CPAMD8: variants seen among roughly 807,000 people sequenced by gnomAD.
The protein encoded by CPAMD8 is C3 and PZP like alpha-2-macroglobulin domain containing 8.
Under a neutral mutation model 224.7 loss-of-function variants are expected in CPAMD8, and 146 were observed. The ratio of observed to expected loss-of-function variants is 0.65; its 90% confidence interval spans 0.57 to 0.75. The LOEUF is 0.75. CPAMD8 is among the 30% of genes least tolerant of loss of function. The pLI is 0.00. For missense variants in CPAMD8, 2,301 were observed against 2,537.5 expected, an observed-to-expected ratio of 0.91 and a Z score of 2.00; for synonymous variants, 966 against 1,044.6, an observed-to-expected ratio of 0.92 and a Z score of 1.45.
intron 41 of CPAMD8, chr19:16,895,797 T>C (rs1172540453): frequency 2.3e-6 from 1 of 433,948 alleles, no homozygotes; most frequent in South Asian, 1.6e-5. Flanking sequence ...AACTATATAA[T>C]GCAAGCATTC....
At chr19:16,944,492 C>CCTG (rs748116805) in intron 22 of CPAMD8, among the ~76,000 whole-genome samples, 3 of 152,170 alleles carry the variant, frequency 2.0e-5, no homozygotes, top group Non-Finnish European at 2.9e-5. Context: ...GAACGCCAGG[C>CCTG]CTCCAGGTTC....
chr19:16,908,821 G>C (rs115532266), intron 29 of CPAMD8, among the ~76,000 whole-genome samples: 86 of 152,286 alleles, frequency 5.6e-4, no homozygotes, highest in African/African-American at 1.9e-3. Flanking sequence ...CAGACCCTAG[G>C]ACTGGCCCTC....
intron 13 of CPAMD8, 76 bp from the exon 14 acceptor site, chr19:16,980,762 G>C: frequency 8.2e-7 from 1 of 1,217,016 alleles, no homozygotes; most frequent in African/African-American, 1.6e-5. Flanking sequence ...CGGCCATTCT[G>C]GGGCCAGAGG....
intron 29 of CPAMD8, among the ~76,000 whole-genome samples, chr19:16,913,541 G>T (rs1350673172): frequency 2.0e-5 from 3 of 152,080 alleles, no homozygotes; most frequent in Non-Finnish European, 4.4e-5. Flanking sequence ...CTTGGTCTTG[G>T]ACTTCCCATC....
At position 16,898,214 on chromosome 19, in the gene CPAMD8, G is replaced by A. The variant is rs934997241; in HGVS notation, c.4849-220C>T. 18 of 488,602 alleles carry A rather than the reference G, an allele frequency of 3.7e-5. No individual in the cohort carries two copies. Among genetic ancestry groups the A allele is most frequent in the South Asian group, 5.1e-5 (2 of 39,022 alleles). 30.3% of individuals were successfully genotyped at this position (488,602 alleles called of 1,614,324 possible). ...GGCTGGAGTGCAGTGGCGTGATCTC[G>A]GCTCACTGCAAGCTCGGCCTCCTGG... On this transcript the variant is annotated intron_variant, in intron 37 of 41. Coordinates refer to ENST00000443236, the MANE Select transcript of CPAMD8 (RefSeq NM_015692.5). This position sits in a 1 kb window ranked among gnomAD's most constrained non-coding sequence, Gnocchi z 4.2.
Position 16,914,454 on chromosome 19 carries a change from A to G in CPAMD8, c.3831T>C (p.Val1277=). Reference sequence around the variant, plus strand: ...AGGCTGTGCCTGTTTCCAGGAGAGCAACCACCACGTAGGCTGTCAGCGGGA... The same window carrying G: ...AGGCTGTGCCTGTTTCCAGGAGAGCGACCACCACGTAGGCTGTCAGCGGGA... ...GTVPLTAYVV[V]ALLETGTASE... is the part of the protein sequence containing the mutation. The change falls in exon 29 of 42, where the codon GTT becomes GTC. Residue 1277 remains valine (V), a synonymous_variant. Coordinates refer to ENST00000443236, the MANE Select transcript of CPAMD8 (RefSeq NM_015692.5). 1 of 1,614,196 alleles carries G rather than the reference A, an allele frequency of 6.2e-7. No homozygotes were observed. The highest frequency in any genetic ancestry group is 8.5e-7 in the Non-Finnish European group (1 of 1,180,016).
chr19:17,002,222 G>C, intron 9 of CPAMD8, 44 bp downstream of exon 9: 1 of 1,299,260 alleles, frequency 7.7e-7, no homozygotes, highest in Non-Finnish European at 1.1e-6. Flanking sequence ...GTTGGGGAAG[G>C]GGAAGGGCCC....
Position 16,892,985 on chromosome 19 carries a change from T to A in CPAMD8, c.*123A>T. The A allele has an allele frequency of 1.3e-6, 1 of 770,032 alleles. No homozygotes were observed. The highest frequency in any genetic ancestry group is 2.4e-6 in the Non-Finnish European group (1 of 415,504). 47.7% of individuals were successfully genotyped at this position (770,032 alleles called of 1,614,324 possible). The stretch of plus-strand genomic sequence containing the variant: ...GATCAGTAACGTGTATTCTTGTCAA[T>A]ATCCTGGAGTGATCATTTACCAGAG... On this transcript the variant is annotated 3_prime_UTR_variant, in exon 42 of 42. Transcript: ENST00000443236.
intron 11 of CPAMD8, among the ~76,000 whole-genome samples, chr19:16,996,257 G>A (rs2122969102): frequency 6.6e-6 from 1 of 152,320 alleles, no homozygotes; most frequent in East Asian, 1.9e-4. Flanking sequence ...CGGATTGCTT[G>A]AATCCAGGAT....
intron 23 of CPAMD8, 113 bp downstream of exon 23, chr19:16,938,282 G>A: frequency 1.8e-6 from 1 of 565,192 alleles, no homozygotes; most frequent in South Asian, 2.6e-5. Flanking sequence ...CAGGGGAAGG[G>A]CAGGTGCTCA....
intron 13 of CPAMD8, among the ~76,000 whole-genome samples, chr19:16,984,957 CA>C (rs1332577300): frequency 6.6e-6 from 1 of 152,182 alleles, no homozygotes; most frequent in Admixed American, 6.5e-5. Context: ...TGCATGCAAA[CA>C]AACACTAAAT....
chr19:16,954,788 T>G (rs2054411304), intron 19 of CPAMD8, among the ~76,000 whole-genome samples: 1 of 151,932 alleles, frequency 6.6e-6, no homozygotes, highest in African/African-American at 2.4e-5. Context: ...ATCGAGATCA[T>G]CCTGGTCAAC....
chr19:16,977,163 C>CTT (rs1421159082), intron 15 of CPAMD8, among the ~76,000 whole-genome samples: 1 of 152,162 alleles, frequency 6.6e-6, no homozygotes, highest in Admixed American at 6.5e-5. Flanking sequence ...TAATTGATGG[C>CTT]TTTCCCCATG....
chr19:16,916,176 G>A (rs1307608332), intron 27 of CPAMD8, among the ~76,000 whole-genome samples: 1 of 152,034 alleles, frequency 6.6e-6, no homozygotes, highest in African/African-American at 2.4e-5. Context: ...ACGACATCCA[G>A]CGAATTTTTA....
intron 21 of CPAMD8, 78 bp from the exon 22 acceptor site, chr19:16,945,757 A>G (rs772823154): frequency 1.1e-5 from 15 of 1,357,394 alleles, no homozygotes; most frequent in Non-Finnish European, 1.6e-5. Context: ...TCCTTATCCC[A>G]GATGTGTGTG....
intron 13 of CPAMD8, among the ~76,000 whole-genome samples, chr19:16,984,611 C>T (rs2055646428): frequency 6.6e-6 from 1 of 152,072 alleles, no homozygotes; most frequent in South Asian, 2.1e-4. Flanking sequence ...AAAGATAACC[C>T]ATAGTATAGG....
intron 22 of CPAMD8, among the ~76,000 whole-genome samples, chr19:16,944,075 C>T (rs1476898846): frequency 6.8e-6 from 1 of 146,224 alleles, no homozygotes; most frequent in African/African-American, 2.5e-5. Context: ...CCATCCCCAC[C>T]CTGGTACAGT....
Position 17,008,842 on chromosome 19 carries a change from G to A in CPAMD8, c.505-283C>T, listed in dbSNP as rs372349584. 1.4e-3 allele frequency: 707 copies of A among 488,854 alleles called. 15 individuals carry two copies. The South Asian group carries it at 0.016, about 11-fold the overall frequency. The allele number at this position is 488,854 out of a possible 1,614,324, so 30.3% of individuals were successfully genotyped here. ...GTGGCTCACACCTGTAATCCCAGCA[G>A]TTTGGGAGGCCAAGGTGGGCGGATC... On this transcript the variant is annotated intron_variant, in intron 6 of 41. Transcript: ENST00000443236.
chr19:16,949,838 C>T (rs1356738327), intron 20 of CPAMD8, among the ~76,000 whole-genome samples: 1 of 152,200 alleles, frequency 6.6e-6, no homozygotes, highest in Non-Finnish European at 1.5e-5. Context: ...GGGGACTTCC[C>T]CTTTTCTGGG....
Sources: gnomAD v4.1 joint callset for allele counts (sites outside exome capture counted in the v4.1 genomes callset) on GRCh38, gnomAD v4.1.1 for gene constraint, Gnocchi (gnomAD v3.1) non-coding constraint, MANE v1.5 for transcripts, NCBI Gene and HGNC (gene_info 2026-07-23, HGNC 2026-07-21) for gene names.